Variants in AGMO observed in about 807,000 individuals in gnomAD.
AGMO encodes glyceryl-ether monooxygenase.
AGMO carries 75 observed loss-of-function variants against 60.2 expected under a neutral mutation model. That is an observed-to-expected ratio of 1.25 (90% CI 1.03 to 1.51). The LOEUF (loss-of-function observed/expected upper bound fraction) is 1.51, where lower values mean the gene tolerates loss of function less well. Ranked by LOEUF, AGMO falls within the 40% of genes most tolerant of loss-of-function variation. The pLI, the probability that AGMO is intolerant of heterozygous loss-of-function variation, is 0.00. For synonymous variants in AGMO, 261 were observed against 177.1 expected, an observed-to-expected ratio of 1.47 and a Z score of -3.76; for missense variants, 763 against 525.5, an observed-to-expected ratio of 1.45 and a Z score of -4.42.
the AGMO span, among the ~76,000 whole-genome samples, chr7:15,166,743 C>A: frequency 6.6e-6 from 1 of 152,132 alleles, no homozygotes; most frequent in African/African-American, 2.4e-5. Flanking sequence ...TTTACTGTAA[C>A]ATCAATAGGA....
At chr7:15,372,713 C>T (rs984882620) in intron 10 of AGMO, among the ~76,000 whole-genome samples, 32 of 152,038 alleles carry the variant, frequency 2.1e-4, no homozygotes, top group African/African-American at 5.6e-4. Flanking sequence ...TGAAATCACA[C>T]GTAGCTTATT....
chr7:15,508,461 G>A (rs1783581495), intron 3 of AGMO, among the ~76,000 whole-genome samples: 1 of 152,124 alleles, frequency 6.6e-6, no homozygotes, highest in African/African-American at 2.4e-5. Flanking sequence ...ATTTGTTTGA[G>A]GAAGCTGCTC....
chr7:15,270,782 A>G (rs1321367076), intron 12 of AGMO, among the ~76,000 whole-genome samples: 1 of 150,230 alleles, frequency 6.7e-6, no homozygotes, highest in East Asian at 1.9e-4. Context: ...TAGGATTTTT[A>G]TAATTTCAAA....
intron 12 of AGMO, among the ~76,000 whole-genome samples, chr7:15,223,960 TA>T (rs1402664715): frequency 6.6e-6 from 1 of 152,068 alleles, no homozygotes; most frequent in African/African-American, 2.4e-5. Flanking sequence ...GGCTGGAGGC[TA>T]TCAAGTAAAA....
intron 3 of AGMO, among the ~76,000 whole-genome samples, chr7:15,436,382 C>G (rs766684459): frequency 1.3e-5 from 2 of 152,118 alleles, no homozygotes; most frequent in Non-Finnish European, 2.9e-5. Context: ...AGTGGAAGAA[C>G]GTTGTATTTT....
chr7:15,148,506 C>G, the AGMO span, among the ~76,000 whole-genome samples: 1 of 152,002 alleles, frequency 6.6e-6, no homozygotes, highest in African/African-American at 2.4e-5. Context: ...CAAGTGGGCC[C>G]TGGAATCCAT....
intron 12 of AGMO, among the ~76,000 whole-genome samples, chr7:15,356,706 T>C (rs926190551): frequency 6.6e-6 from 1 of 151,878 alleles, no homozygotes; most frequent in African/African-American, 2.4e-5. Context: ...TTTATAAAAA[T>C]GTATCTAATT....
At chr7:15,517,104 A>T (rs1215588716) in intron 3 of AGMO, among the ~76,000 whole-genome samples, 3 of 152,152 alleles carry the variant, frequency 2.0e-5, no homozygotes, top group Non-Finnish European at 4.4e-5. Flanking sequence ...TTTTCAACTC[A>T]TCAAGACAAT....
At chr7:15,339,206 G>C (rs35623912) in intron 12 of AGMO, among the ~76,000 whole-genome samples, 1 of 151,920 alleles carries the variant, frequency 6.6e-6, no homozygotes, top group South Asian at 2.1e-4. Context: ...AGTACTAGTT[G>C]ATCAATTCAT....
chr7:15,250,419 G>T (rs1278836820), intron 12 of AGMO, among the ~76,000 whole-genome samples: 1 of 152,006 alleles, frequency 6.6e-6, no homozygotes, highest in Non-Finnish European at 1.5e-5. Context: ...TGTTTATTTT[G>T]TACTAGGTAG....
At chr7:15,140,901 G>A in the AGMO span, among the ~76,000 whole-genome samples, 1 of 151,924 alleles carries the variant, frequency 6.6e-6, no homozygotes, top group Non-Finnish European at 1.5e-5. Context: ...TTTCCTGCTG[G>A]TTCTTATTCA....
intron 3 of AGMO, among the ~76,000 whole-genome samples, chr7:15,512,222 A>G (rs1382238190): frequency 6.6e-6 from 1 of 152,094 alleles, no homozygotes; most frequent in Non-Finnish European, 1.5e-5. Context: ...GTCATACAAC[A>G]CTAATGATGA....
intron 12 of AGMO, among the ~76,000 whole-genome samples, chr7:15,364,457 T>C (rs1782888557): frequency 6.6e-6 from 1 of 152,062 alleles, no homozygotes; most frequent in Non-Finnish European, 1.5e-5. Flanking sequence ...GTTTCTTGTG[T>C]TATTATTATA....
chr7:15,437,496 A>T lies in AGMO; in HGVS notation c.410-6388T>A, dbSNP rs188210939. ...TATATCCATATGTTCAGCATGATAG[A>T]AACCAGGCTTCTGAAGGAGCAACCA... On this transcript the variant is annotated intron_variant, in intron 3 of 12. Coordinates refer to ENST00000342526, the MANE Select transcript of AGMO (RefSeq NM_001004320.2). Among the ~76,000 whole-genome samples, 749 of 151,530 alleles carry T rather than the reference A, an allele frequency of 4.9e-3. 1 individual carries two copies. The highest frequency in any genetic ancestry group is 0.014 in the Middle Eastern group (4 of 286).
chr7:15,256,519 G>A (rs1583334299), intron 12 of AGMO, among the ~76,000 whole-genome samples: 1 of 151,908 alleles, frequency 6.6e-6, no homozygotes, highest in East Asian at 1.9e-4. Context: ...CGTGTGACGT[G>A]TGTAATTTTT....
rs551973224 is a variant in AGMO at position 15,541,341 on chromosome 7, C to T, written c.409+3431G>A. Among the ~76,000 whole-genome samples the T allele has an allele frequency of 3.9e-5, 6 of 152,124 alleles. No homozygotes were observed. In the East Asian group the frequency reaches 9.7e-4, roughly 25 times the overall value. Reference sequence around the variant, plus strand: ...TTCACCATGTTGGTCAGGCTGGTCTCGAACTCCTGACCTCATGATCCGCCA... The same window carrying T: ...TTCACCATGTTGGTCAGGCTGGTCTTGAACTCCTGACCTCATGATCCGCCA... On this transcript the variant is annotated intron_variant, in intron 3 of 12. Coordinates refer to ENST00000342526, the MANE Select transcript of AGMO (RefSeq NM_001004320.2).
intron 12 of AGMO, among the ~76,000 whole-genome samples, chr7:15,354,168 CA>C (rs1287527706): frequency 1.3e-5 from 2 of 151,340 alleles, no homozygotes; most frequent in East Asian, 4.0e-4. Context: ...ACAAATAAAT[CA>C]CCCCAAATGG....
chr7:15,129,398 G>T, the AGMO span, among the ~76,000 whole-genome samples: 1 of 152,050 alleles, frequency 6.6e-6, no homozygotes, highest in African/African-American at 2.4e-5. Context: ...AATCAGAAAT[G>T]AATAAAATAT....
At chr7:15,145,279 G>T in the AGMO span, among the ~76,000 whole-genome samples, 2 of 152,176 alleles carry the variant, frequency 1.3e-5, no homozygotes, top group East Asian at 3.9e-4. Context: ...AAAGGTACTT[G>T]CTTCCTGAAT....
Sources: allele counts gnomAD v4.1 joint callset (sites outside exome capture counted in the v4.1 genomes callset), GRCh38; gene constraint gnomAD v4.1.1; transcripts MANE v1.5; gene names NCBI Gene and HGNC (gene_info 2026-07-23, HGNC 2026-07-21).